The following ATRNL1 variants were observed in gnomAD, a reference collection of about 807,000 sequenced individuals.
The protein encoded by ATRNL1 is attractin like 1.
Under a neutral mutation model 182.7 loss-of-function variants are expected in ATRNL1, and 95 were observed. The ratio of observed to expected loss-of-function variants is 0.52; its 90% confidence interval spans 0.44 to 0.62. The LOEUF (loss-of-function observed/expected upper bound fraction) is 0.62. ATRNL1 is among the 20% of genes least tolerant of loss of function. The pLI, the probability that ATRNL1 is intolerant of heterozygous loss-of-function variation, is 0.00. For synonymous variants in ATRNL1, 576 were observed against 568.3 expected, an observed-to-expected ratio of 1.01 and a Z score of -0.19; for missense variants, 1,471 against 1,679.5, an observed-to-expected ratio of 0.88 and a Z score of 2.17.
chr10:115,863,114 GA>G (rs1478447471), intron 28 of ATRNL1, among the ~76,000 whole-genome samples: 1 of 152,142 alleles, frequency 6.6e-6, no homozygotes, highest in Admixed American at 6.5e-5. Flanking sequence ...GGAGCAATGA[GA>G]GGGGGAGTTG....
chr10:115,426,441 G>C (rs782780759), intron 21 of ATRNL1, 139 bp downstream of exon 21: 2 of 571,174 alleles, frequency 3.5e-6, no homozygotes, highest in Non-Finnish European at 6.1e-6. Flanking sequence ...ACAACTTTAC[G>C]TATATTGCTA....
At chr10:115,454,245 T>C (rs1484048456) in intron 21 of ATRNL1, among the ~76,000 whole-genome samples, 1 of 152,122 alleles carries the variant, frequency 6.6e-6, no homozygotes, top group Non-Finnish European at 1.5e-5. Flanking sequence ...CTTTACCCCG[T>C]TACATTTATC....
At chr10:115,361,949 T>G (rs937523732) in intron 19 of ATRNL1, among the ~76,000 whole-genome samples, 22 of 143,746 alleles carry the variant, frequency 1.5e-4, no homozygotes, top group Non-Finnish European at 6.4e-5. Context: ...TTACTTTACC[T>G]TTTTTATCGA....
Position 115,456,061 on chromosome 10 carries a change from G to T in ATRNL1, c.3323-5880G>T, listed in dbSNP as rs182930393. 8.1e-4 allele frequency among the ~76,000 whole-genome samples: 123 copies of T among 152,254 alleles called. 2 individuals are homozygous for T. The highest frequency in any genetic ancestry group is 2.2e-3 in the Admixed American group (33 of 15,294). Reference sequence around the variant, plus strand: ...GGGAGTGTAAATTAGTTCAACCATTGTGAAAGACAGTGTGGCAATTCCTCA... The same window carrying T: ...GGGAGTGTAAATTAGTTCAACCATTTTGAAAGACAGTGTGGCAATTCCTCA... On this transcript the variant is annotated intron_variant, in intron 21 of 28. Coordinates refer to ENST00000355044, the MANE Select transcript of ATRNL1 (RefSeq NM_207303.4).
At chr10:115,107,880 T>A (rs1844085757) in intron 1 of ATRNL1, among the ~76,000 whole-genome samples, 1 of 152,126 alleles carries the variant, frequency 6.6e-6, no homozygotes, top group Non-Finnish European at 1.5e-5. Context: ...GAGCAGATAC[T>A]TGAGGCAGCA....
At chr10:115,368,231 G>A (rs146729339) in intron 19 of ATRNL1, among the ~76,000 whole-genome samples, 4 of 152,296 alleles carry the variant, frequency 2.6e-5, no homozygotes, top group East Asian at 3.9e-4. Context: ...CTCGCGGTGC[G>A]CCGTTTTTTA....
intron 21 of ATRNL1, among the ~76,000 whole-genome samples, chr10:115,429,060 T>C (rs1026590347): frequency 1.3e-5 from 2 of 152,138 alleles, no homozygotes; most frequent in African/African-American, 4.8e-5. Flanking sequence ...AGTGGCATTT[T>C]GTGGTTTTGT....
chr10:115,580,912 T>A (rs2769374), intron 26 of ATRNL1, among the ~76,000 whole-genome samples: 45,437 of 152,008 alleles, frequency 0.3, 7,906 homozygotes, highest in East Asian at 0.68. Context: ...ATATTTTCTA[T>A]CATTTTGTTG....
chr10:115,342,792 T>A (rs1327837082), intron 19 of ATRNL1, among the ~76,000 whole-genome samples: 1 of 152,086 alleles, frequency 6.6e-6, no homozygotes, highest in Non-Finnish European at 1.5e-5. Flanking sequence ...GCTGATGAAA[T>A]CACTCAGCTT....
chr10:115,661,436 T>C (rs1390161876), intron 26 of ATRNL1, among the ~76,000 whole-genome samples: 1 of 152,188 alleles, frequency 6.6e-6, no homozygotes, highest in Non-Finnish European at 1.5e-5. Flanking sequence ...TCAATATGGT[T>C]AAATTTAATA....
At chr10:115,613,535 C>G (rs371079068) in intron 26 of ATRNL1, among the ~76,000 whole-genome samples, 1 of 152,038 alleles carries the variant, frequency 6.6e-6, no homozygotes, top group South Asian at 2.1e-4. Flanking sequence ...TAATGCTAGC[C>G]TCATAAAATG....
intron 9 of ATRNL1, among the ~76,000 whole-genome samples, chr10:115,233,680 G>A (rs1850055807): frequency 6.6e-6 from 1 of 151,934 alleles, no homozygotes; most frequent in South Asian, 2.1e-4. Context: ...TATAAAGAAA[G>A]GTCTCTTTTT....
intron 24 of ATRNL1, among the ~76,000 whole-genome samples, chr10:115,497,634 T>G (rs1028733821): frequency 6.6e-6 from 1 of 151,796 alleles, no homozygotes; most frequent in Non-Finnish European, 1.5e-5. Context: ...TCTTGTAAAG[T>G]CTCAGTGTAA....
At chr10:115,203,745 A>ATT (rs71476116) in intron 8 of ATRNL1, among the ~76,000 whole-genome samples, 14 of 106,046 alleles carry the variant, frequency 1.3e-4, no homozygotes, top group African/African-American at 2.0e-4. Context: ...ATGCCTGGCT[A>ATT]TTTTTTTTTT....
At chr10:115,901,267 C>G (rs1233643085) in intron 28 of ATRNL1, among the ~76,000 whole-genome samples, 1 of 152,040 alleles carries the variant, frequency 6.6e-6, no homozygotes, top group Non-Finnish European at 1.5e-5. Flanking sequence ...GCAAATATGT[C>G]TCAATTGATA....
chr10:115,359,873 T>C (rs1414352288), intron 19 of ATRNL1, among the ~76,000 whole-genome samples: 5 of 151,584 alleles, frequency 3.3e-5, no homozygotes, highest in Non-Finnish European at 7.4e-5. Flanking sequence ...AGTTACTAGA[T>C]AACTTCAAAG....
chr10:115,244,916 A>G (rs952708438), intron 10 of ATRNL1, among the ~76,000 whole-genome samples: 1 of 152,192 alleles, frequency 6.6e-6, no homozygotes, highest in East Asian at 1.9e-4. Flanking sequence ...TTATTTAAGA[A>G]TGGGTAGGGA....
chr10:115,684,516 G>A (rs1946157770), intron 26 of ATRNL1, among the ~76,000 whole-genome samples: 1 of 150,816 alleles, frequency 6.6e-6, no homozygotes, highest in Non-Finnish European at 1.5e-5. Context: ...TTTGGTTCAG[G>A]ATATTTACAT....
chr10:115,296,544 T>C (rs76315432), intron 15 of ATRNL1, among the ~76,000 whole-genome samples: 2,981 of 152,312 alleles, frequency 0.02, 95 homozygotes, highest in African/African-American at 0.067. Flanking sequence ...TAATCTAATT[T>C]CTATCCCCAG....
Sources: allele counts gnomAD v4.1 joint callset (sites outside exome capture counted in the v4.1 genomes callset), GRCh38; gene constraint gnomAD v4.1.1; transcripts MANE v1.5; gene names NCBI Gene and HGNC (gene_info 2026-07-23, HGNC 2026-07-21).